Variants in NAALADL2 observed in about 807,000 individuals in gnomAD.
NAALADL2 encodes inactive N-acetylated-alpha-linked acidic dipeptidase-like protein 2.
Under a neutral mutation model 87.2 loss-of-function variants are expected in NAALADL2, and 76 were observed. The ratio of observed to expected loss-of-function variants is 0.87; its 90% CI spans 0.72 to 1.05. The LOEUF is 1.05. Among genes scored for constraint, NAALADL2 ranks in the 50% least tolerant of loss-of-function variants. The pLI is 0.00. For missense variants in NAALADL2, 1,089 were observed against 945.8 expected (o/e 1.15, Z -1.99); for synonymous variants, 354 against 331.0 (o/e 1.07, Z -0.75).
intron 3 of NAALADL2, among the ~76,000 whole-genome samples, chr3:174,782,641 AG>A (rs1716131468): frequency 6.6e-6 from 1 of 152,082 alleles, no homozygotes; most frequent in Admixed American, 6.6e-5. Flanking sequence ...AAAAGAAAAA[AG>A]GTTTAATTGA....
chr3:175,451,805 A>G (rs900312845), intron 6 of NAALADL2, among the ~76,000 whole-genome samples: 3 of 152,008 alleles, frequency 2.0e-5, no homozygotes, highest in Admixed American at 6.6e-5. Flanking sequence ...CTTATTTCCT[A>G]TTATTTCCTT....
chr3:175,698,425 G>GTATGTGTATTTATATATGTGTATA (rs1553953572), intron 11 of NAALADL2, among the ~76,000 whole-genome samples: 1 of 85,462 alleles, frequency 1.2e-5, no homozygotes, highest in African/African-American at 7.5e-5. Flanking sequence ...GTATACATAT[G>GTATGTGTATTTATATATGTGTATA]TATGTGTATA....
chr3:175,471,533 A>G, intron 8 of NAALADL2, 106 bp from the exon 9 acceptor site: 2 of 705,626 alleles, frequency 2.8e-6, no homozygotes, highest in Non-Finnish European at 2.4e-6. Context: ...ATGCAATATA[A>G]TAATTTTAAG....
intron 1 of NAALADL2, among the ~76,000 whole-genome samples, chr3:174,518,238 T>G (rs2108405031): frequency 6.6e-6 from 1 of 152,286 alleles, no homozygotes; most frequent in Non-Finnish European, 1.5e-5. Context: ...GCAAATTTTT[T>G]TAAAATACTG....
chr3:175,410,371 G>T (rs534152766), intron 5 of NAALADL2, among the ~76,000 whole-genome samples: 1 of 152,208 alleles, frequency 6.6e-6, no homozygotes, highest in East Asian at 1.9e-4. Flanking sequence ...AAAGATTCCA[G>T]ATGGTTGAGT....
intron 3 of NAALADL2, among the ~76,000 whole-genome samples, chr3:174,759,049 T>TG (rs1712534054): frequency 6.6e-6 from 1 of 152,080 alleles, no homozygotes; most frequent in South Asian, 2.1e-4. Context: ...ATCTACATAC[T>TG]TTTTTTTCTT....
intron 13 of NAALADL2, among the ~76,000 whole-genome samples, chr3:175,759,980 G>A (rs1329791874): frequency 1.3e-5 from 2 of 152,136 alleles, no homozygotes; most frequent in Non-Finnish European, 2.9e-5. Context: ...GCTCCTGAGA[G>A]GGTGCACTGG....
chr3:174,638,291 C>T (rs1464636211), intron 2 of NAALADL2, among the ~76,000 whole-genome samples: 2 of 152,014 alleles, frequency 1.3e-5, no homozygotes, highest in Non-Finnish European at 2.9e-5. Flanking sequence ...ATGGAGATAA[C>T]AAAAAGACCA....
intron 5 of NAALADL2, among the ~76,000 whole-genome samples, chr3:175,430,828 T>G (rs1188902284): frequency 6.6e-6 from 1 of 152,062 alleles, no homozygotes; most frequent in East Asian, 1.9e-4. Flanking sequence ...GCTATGTCAT[T>G]AGTTTGACAT....
chr3:175,501,443 A>ACACACACACAC lies in NAALADL2; in HGVS notation c.1653+29685_1653+29686insCACACACACAC, dbSNP rs1560661514. On this transcript the variant is annotated intron_variant, in intron 9 of 13. Transcript: ENST00000454872. The stretch of plus-strand genomic sequence containing the variant: ...GTTTTAGACACACACACACACACAC[A>ACACACACACAC]AAGGCAGCATATGATTCTCATTGGC... 2.0e-5 allele frequency among the ~76,000 whole-genome samples: 3 copies of ACACACACACAC among 151,918 alleles called. No individual in the cohort carries two copies. The East Asian group carries it at 5.8e-4, about 29-fold the overall frequency.
intron 5 of NAALADL2, among the ~76,000 whole-genome samples, chr3:175,360,019 G>C (rs565398865): frequency 1.8e-4 from 28 of 152,148 alleles, no homozygotes; most frequent in South Asian, 1.0e-3. Flanking sequence ...ATGTTAAATT[G>C]ATGTCTTCTT....
chr3:175,047,736 T>C (rs1212499151), intron 1 of NAALADL2, among the ~76,000 whole-genome samples: 2 of 152,312 alleles, frequency 1.3e-5, no homozygotes, highest in Middle Eastern at 3.4e-3. Context: ...AAGAATAAAA[T>C]TAGCTGACAC....
intron 2 of NAALADL2, among the ~76,000 whole-genome samples, chr3:174,724,864 G>T (rs1296785213): frequency 1.3e-5 from 2 of 152,042 alleles, no homozygotes; most frequent in East Asian, 1.9e-4. Flanking sequence ...ATCATTTTTA[G>T]TGCTTCTTTA....
chr3:174,720,714 A>C (rs1731636350), intron 2 of NAALADL2, among the ~76,000 whole-genome samples: 1 of 152,178 alleles, frequency 6.6e-6, no homozygotes, highest in Admixed American at 6.5e-5. Context: ...GTTGTTCCTT[A>C]ATTGTGAGTA....
At chr3:175,609,308 C>G (rs1374002260) in intron 10 of NAALADL2, among the ~76,000 whole-genome samples, 2 of 151,942 alleles carry the variant, frequency 1.3e-5, no homozygotes. Flanking sequence ...TAAATAAGAC[C>G]TCCATTTAGA....
At position 174,771,768 on chromosome 3, in the gene NAALADL2, G is replaced by T. The variant is rs191226797; in HGVS notation, c.-9+34022G>T. Among the ~76,000 whole-genome samples, 160 of 152,298 alleles carry T rather than the reference G, an allele frequency of 1.1e-3. 1 individual carries two copies. The Middle Eastern group carries it at 0.027, about 26-fold the overall frequency. On this transcript the variant is annotated intron_variant, in intron 3 of 3. Coordinates refer to the NAALADL2 transcript ENST00000434257. ...GGAAGAAACTACTGGAGTGATTATT[G>T]TAAGAATACAAGGTAATCAAACTCT...
chr3:174,759,810 C>T (rs1457918750), intron 3 of NAALADL2, among the ~76,000 whole-genome samples: 3 of 151,938 alleles, frequency 2.0e-5, no homozygotes, highest in Non-Finnish European at 2.9e-5. Flanking sequence ...AAGTGATTCT[C>T]CTGCCTCAGC....
chr3:174,669,739 A>G (rs1048551018), intron 2 of NAALADL2, among the ~76,000 whole-genome samples: 9 of 152,060 alleles, frequency 5.9e-5, no homozygotes, highest in Admixed American at 5.2e-4. Context: ...GAGATTACAT[A>G]TGAATTGTAG....
intron 3 of NAALADL2, among the ~76,000 whole-genome samples, chr3:174,816,083 T>G (rs537036508): frequency 6.6e-6 from 1 of 152,214 alleles, no homozygotes; most frequent in South Asian, 2.1e-4. Context: ...AATTATTTCA[T>G]TCATTGACAA....
Sources: gnomAD v4.1 joint callset for allele counts (sites outside exome capture counted in the v4.1 genomes callset) on GRCh38, gnomAD v4.1.1 for gene constraint, MANE v1.5 for transcripts, NCBI Gene and HGNC (gene_info 2026-07-23, HGNC 2026-07-21) for gene names.